Variants in GABRA3 observed in about 807,000 individuals in gnomAD.
GABRA3 encodes the protein gamma-aminobutyric acid type A receptor subunit alpha3.
Under a neutral mutation model 30.1 loss-of-function variants are expected in GABRA3, and 10 were observed. The ratio of observed to expected loss-of-function variants is 0.33; its 90% CI spans 0.20 to 0.56. GABRA3 has a LOEUF of 0.56. Ranked by LOEUF, GABRA3 falls within the 20% of genes least tolerant of loss-of-function variation. The pLI is 0.89. For synonymous variants in GABRA3, 151 were observed against 146.8 expected (o/e 1.03, Z -0.21); for missense variants, 233 against 392.0 (o/e 0.59, Z 3.42).
chrX:152,262,768 G>C (rs113829381), intron 4 of GABRA3, among the ~76,000 whole-genome samples: 4 of 111,529 alleles, frequency 3.6e-5, no homozygotes, highest in African/African-American at 1.3e-4. Context: ...CCTCCAAACT[G>C]TTTCAACCTC....
At chrX:152,223,521 T>C (rs1937881525) in intron 6 of GABRA3, among the ~76,000 whole-genome samples, 1 of 110,613 alleles carries the variant, frequency 9.0e-6, no homozygotes, top group East Asian at 2.9e-4. Context: ...GGCCCCCACT[T>C]TGATCTCATC....
chrX:152,230,224 A>AAATTGTATG (rs1448568218), intron 5 of GABRA3, among the ~76,000 whole-genome samples: 1 of 111,823 alleles, frequency 8.9e-6, no homozygotes, highest in Non-Finnish European at 1.9e-5. Flanking sequence ...TCAAGAGGAT[A>AAATTGTATG]AATTGTATGA....
chrX:152,394,781 T>C (rs893242254), intron 1 of GABRA3, among the ~76,000 whole-genome samples: 4 of 111,675 alleles, frequency 3.6e-5, no homozygotes, highest in African/African-American at 9.7e-5. Context: ...AAAAAGGGGA[T>C]AGATATGGTA....
intron 3 of GABRA3, among the ~76,000 whole-genome samples, chrX:152,309,117 C>A (rs1387510481): frequency 8.9e-6 from 1 of 111,909 alleles, no homozygotes; most frequent in African/African-American, 3.2e-5. Context: ...ATGAACAAAA[C>A]CCCCAAGAAA....
intron 3 of GABRA3, among the ~76,000 whole-genome samples, chrX:152,310,118 CAGCCAGATTCATTAA>C (rs1307032072): frequency 1.8e-5 from 2 of 112,010 alleles, no homozygotes; most frequent in Non-Finnish European, 3.8e-5. Context: ...AACACTGGAA[CAGCCAGATTCATTAA>C]ACAAGTTCTT....
At chrX:152,226,224 C>T (rs939982927) in intron 5 of GABRA3, among the ~76,000 whole-genome samples, 4 of 111,500 alleles carry the variant, frequency 3.6e-5, no homozygotes, top group Admixed American at 9.6e-5. Flanking sequence ...CTGCTTAACA[C>T]GGTTTTTCTT....
chrX:152,279,699 G>A (rs1173909963), intron 4 of GABRA3, among the ~76,000 whole-genome samples: 1 of 111,308 alleles, frequency 9.0e-6, no homozygotes, highest in Non-Finnish European at 1.9e-5. Flanking sequence ...AATTACCTTG[G>A]GCAGTATGGC....
chrX:152,415,468 T>C (rs1359544828), intron 1 of GABRA3, among the ~76,000 whole-genome samples: 1 of 111,377 alleles, frequency 9.0e-6, no homozygotes, highest in Non-Finnish European at 1.9e-5. Context: ...CAGGGACGGA[T>C]ACTACTATAA....
intron 4 of GABRA3, among the ~76,000 whole-genome samples, chrX:152,278,149 T>C (rs1209037516): frequency 8.9e-6 from 1 of 111,741 alleles, no homozygotes; most frequent in African/African-American, 3.3e-5. Context: ...AGGGTACATG[T>C]GCACAATGTG....
intron 3 of GABRA3, among the ~76,000 whole-genome samples, chrX:152,321,914 A>T (rs990623206): frequency 9.0e-6 from 1 of 111,370 alleles, no homozygotes; most frequent in Non-Finnish European, 1.9e-5. Flanking sequence ...TCCATCAAAA[A>T]ATAAAGTAAA....
At chrX:152,346,486 A>G (rs1188638898) in intron 2 of GABRA3, among the ~76,000 whole-genome samples, 1 of 111,831 alleles carries the variant, frequency 8.9e-6, no homozygotes, top group Non-Finnish European at 1.9e-5. Flanking sequence ...AAAAATGGAC[A>G]AATGGGATCA....
chrX:152,283,968 T>G (rs1211634617), intron 4 of GABRA3, among the ~76,000 whole-genome samples: 1 of 111,568 alleles, frequency 9.0e-6, no homozygotes, highest in Non-Finnish European at 1.9e-5. Context: ...ATTATTCAAT[T>G]GAATATTTGA....
intron 4 of GABRA3, among the ~76,000 whole-genome samples, chrX:152,278,902 T>C (rs1342053377): frequency 8.9e-6 from 1 of 112,419 alleles, no homozygotes; most frequent in Non-Finnish European, 1.9e-5. Flanking sequence ...GCTGCATAAA[T>C]GTCTTCTTTT....
intron 5 of GABRA3, among the ~76,000 whole-genome samples, chrX:152,238,608 G>A (rs1479624793): frequency 7.4e-5 from 8 of 108,504 alleles, no homozygotes; most frequent in Admixed American, 2.0e-4. Context: ...ATTCAGCTGT[G>A]AATCCATCTG....
intron 9 of GABRA3, among the ~76,000 whole-genome samples, chrX:152,176,832 G>A (rs1937081219): frequency 9.0e-6 from 1 of 111,403 alleles, no homozygotes; most frequent in South Asian, 3.8e-4. Flanking sequence ...CAATGTCTTG[G>A]GATTGAATGA....
chrX:152,284,857 C>A, intron 3 of GABRA3, 122 bp from the exon 4 acceptor site: 1 of 398,920 alleles, frequency 2.5e-6, no homozygotes, highest in Non-Finnish European at 4.4e-6. Flanking sequence ...GAAAACCCCT[C>A]AAAAACTTCT....
chrX:152,342,949 T>G (rs1940336486), intron 3 of GABRA3, among the ~76,000 whole-genome samples: 1 of 111,738 alleles, frequency 8.9e-6, no homozygotes, highest in Non-Finnish European at 1.9e-5. Context: ...TTTTACCCAC[T>G]GTTTCCAGTG....
chrX:152,328,863 G>A (rs1940113035), intron 3 of GABRA3, among the ~76,000 whole-genome samples: 1 of 111,701 alleles, frequency 9.0e-6, no homozygotes, highest in African/African-American at 3.3e-5. Context: ...AATCAGGCAA[G>A]AGAAAGAAAT....
At position 152,189,779 on chromosome X, in the gene GABRA3, C is replaced by T. The variant is rs1937299717; in HGVS notation, c.1094G>A (p.Arg365Gln). 1 of 1,210,019 alleles carries T rather than the reference C, an allele frequency of 8.3e-7. No individual in the cohort carries two copies. Among genetic ancestry groups the T allele is most frequent in the Non-Finnish European group, 1.1e-6 (1 of 894,695 alleles). The change falls in exon 9 of 10, where the codon CGG becomes CAG. Residue 365 changes from arginine to glutamine, a missense_variant. This residue lies in a region of GABRA3 where 20 missense variants were observed against 84.3 expected (regional missense o/e 0.24). Coordinates refer to ENST00000370314, the MANE Select transcript of GABRA3 (RefSeq NM_000808.4). ...CTTCTTGCCTTCCCAAGCCCAACTC[C>T]GCTTGGTGAAATAGTTGACAGTGGC... ...EFATVNYFTK[R>Q]SWAWEGKKVP... is the part of the protein sequence containing the mutation.
Sources: allele counts gnomAD v4.1 joint callset (sites outside exome capture counted in the v4.1 genomes callset), GRCh38; gene constraint gnomAD v4.1.1; regional missense constraint gnomAD v4.1.1; transcripts MANE v1.5; gene names NCBI Gene and HGNC (gene_info 2026-07-23, HGNC 2026-07-21).